The following STK38 variants were observed in gnomAD, a reference collection of about 807,000 sequenced individuals.
STK38 encodes the protein serine/threonine kinase 38.
In STK38, 26 loss-of-function variants were observed where a neutral mutation model predicts 59.0. That is an observed-to-expected ratio of 0.44 (90% CI 0.32 to 0.61). STK38 has a LOEUF of 0.61. STK38 is among the 20% of genes least tolerant of loss of function. STK38 has a pLI of 0.04. For missense variants in STK38, 433 were observed against 566.0 expected (o/e 0.76, Z 2.38); for synonymous variants, 175 against 176.6 (o/e 0.99, Z 0.07).
intron 7 of STK38, among the ~76,000 whole-genome samples, chr6:36,507,932 T>TTTA (rs1418718609): frequency 7.7e-6 from 1 of 129,676 alleles, no homozygotes; most frequent in Non-Finnish European, 1.7e-5. Context: ...TATTCAGAAT[T>TTTA]TTTTTTTTTT....
chr6:36,510,223 T>G (rs1323384324), intron 7 of STK38, among the ~76,000 whole-genome samples: 1 of 152,152 alleles, frequency 6.6e-6, no homozygotes, highest in Non-Finnish European at 1.5e-5. Context: ...ACCCAGGTGC[T>G]CTCCTCCCCT....
intron 2 of STK38, among the ~76,000 whole-genome samples, chr6:36,526,596 T>TA (rs1248961263): frequency 2.6e-5 from 4 of 151,826 alleles, no homozygotes; most frequent in Non-Finnish European, 5.9e-5. Context: ...CCATCTCTAC[T>TA]AAAAATATAA....
intron 1 of STK38, among the ~76,000 whole-genome samples, chr6:36,540,470 A>C (rs904667836): frequency 7.9e-5 from 12 of 152,226 alleles, no homozygotes; most frequent in Non-Finnish European, 1.8e-4. Flanking sequence ...CAGGATGTTC[A>C]GCACAGAGAG....
At chr6:36,503,236 T>C (rs1484748560) in intron 9 of STK38, among the ~76,000 whole-genome samples, 1 of 152,204 alleles carries the variant, frequency 6.6e-6, no homozygotes, top group African/African-American at 2.4e-5. Flanking sequence ...AGGTTTTTTT[T>C]CCTTAAAGTA....
chr6:36,544,822 G>A (rs936368908), intron 1 of STK38, among the ~76,000 whole-genome samples: 1 of 152,060 alleles, frequency 6.6e-6, no homozygotes, highest in Non-Finnish European at 1.5e-5. Flanking sequence ...CAGTGAGTTT[G>A]GCTTGTGCCA....
chr6:36,535,320 G>A (rs966239070), intron 2 of STK38, among the ~76,000 whole-genome samples: 2 of 151,840 alleles, frequency 1.3e-5, no homozygotes, highest in Non-Finnish European at 2.9e-5. Flanking sequence ...GTGGTGGCAG[G>A]TGCCTGTAGT....
At position 36,497,856 on chromosome 6, in the gene STK38, G is replaced by C; in HGVS notation, c.1096C>G (p.His366Asp). 4 of 1,613,074 alleles carry C rather than the reference G, an allele frequency of 2.5e-6. No individual in the cohort carries two copies. The highest frequency in any genetic ancestry group is 3.4e-6 in the Non-Finnish European group (4 of 1,179,832). The change falls in exon 12 of 14, where the codon CAT (histidine) becomes GAT (aspartate). Residue 366 changes from histidine (H) to aspartate (D), a missense_variant. Physicochemically the swap from His to Asp is moderately conservative, Grantham distance 81. Around this residue, in one of 3 missense-constraint regions of STK38, gnomAD observed 136 missense variants for 156.7 expected, o/e 0.87. Transcript: ENST00000229812. ...LILRFCCEWE[H>D]RIGAPGVEEI... is the part of the protein sequence containing the mutation. ...TCAACTCCAGGAGCTCCAATTCTAT[G>C]TTCCCATTCACAGCAGAACCTGGAA...
rs896777407 is a variant in STK38, at chr6:36,495,579, C to T, written c.*205G>A. 15 of 553,760 alleles carry T rather than the reference C, an allele frequency of 2.7e-5. No individual in the cohort carries two copies. Among genetic ancestry groups the T allele is most frequent in the Admixed American group, 6.6e-5 (2 of 30,110 alleles). 34.3% of individuals were successfully genotyped at this position (553,760 alleles called of 1,614,324 possible). The stretch of plus-strand genomic sequence containing the variant: ...CCAAAGCAGGATAGCTGTTTATGGC[C>T]GACGTAGTAGAAATGGTTGTCTTTG... On this transcript the variant is annotated 3_prime_UTR_variant, in exon 14 of 14. Transcript: ENST00000229812.
intron 2 of STK38, among the ~76,000 whole-genome samples, chr6:36,529,301 T>C (rs1453981623): frequency 1.3e-5 from 2 of 152,138 alleles, no homozygotes; most frequent in East Asian, 3.8e-4. Context: ...ATGGGATAGA[T>C]GAAGAAAATG....
At chr6:36,516,118 C>T (rs1777245958) in intron 6 of STK38, among the ~76,000 whole-genome samples, 2 of 152,218 alleles carry the variant, frequency 1.3e-5, no homozygotes, top group Non-Finnish European at 2.9e-5. Context: ...GAACACCTCT[C>T]AAGGTCAGTG....
At position 36,525,596 on chromosome 6, in the gene STK38, C is replaced by T. The variant is rs1404645485; in HGVS notation, c.178G>A (p.Glu60Lys). ...KVMEEEGLKD[E>K]EKRLRRSAHA... ...ACATTGCCAATATTAATTACCTCCT[C>T]ATCTTTTAGGCCTTCTTCTTCCATC... The change falls in exon 3 of 14, where the codon GAG becomes AAG. Residue 60 changes from glutamate (E) to lysine (K), a missense_variant. By Grantham distance (56) the Glu-to-Lys change is moderately conservative. Coordinates refer to ENST00000229812, the MANE Select transcript of STK38 (RefSeq NM_007271.4). 2.5e-6 allele frequency: 4 copies of T among 1,613,772 alleles called. No homozygotes were observed. Among genetic ancestry groups the T allele is most frequent in the Non-Finnish European group, 3.4e-6 (4 of 1,179,736 alleles).
chr6:36,496,767 A>G lies in STK38; in HGVS notation c.1211T>C (p.Ile404Thr), dbSNP rs1273023951. The G allele has an allele frequency of 4.3e-6, 7 of 1,613,552 alleles. No homozygotes were observed. The highest frequency in any genetic ancestry group is 5.9e-6 in the Non-Finnish European group (7 of 1,179,900). The change falls in exon 13 of 14, where the codon ATT becomes ACT. Residue 404 changes from isoleucine to threonine, a missense_variant. Ile to Thr is a moderately conservative substitution (Grantham distance 89, BLOSUM62 -1). Around this residue, in one of 3 missense-constraint regions of STK38, gnomAD observed 136 missense variants for 156.7 expected, o/e 0.87. Transcript: ENST00000229812. ...PAAISIEIKS[I>T]DDTSNFDEFP... The stretch of plus-strand genomic sequence containing the variant: ...CTCATCGAAGTTTGAGGTATCATCA[A>G]TGCTTTTGATTTCAATAGATATTGC...
intron 2 of STK38, among the ~76,000 whole-genome samples, chr6:36,528,037 A>C (rs2127484014): frequency 6.6e-6 from 1 of 151,842 alleles, no homozygotes; most frequent in East Asian, 1.9e-4. Context: ...TGAACCCAGG[A>C]GGCGGAGCTT....
chr6:36,539,523 A>G (rs374256368), intron 2 of STK38, among the ~76,000 whole-genome samples: 1 of 152,232 alleles, frequency 6.6e-6, no homozygotes, highest in Non-Finnish European at 1.5e-5. Flanking sequence ...ACATACTCAC[A>G]TATGTTATAT....
rs765186896 is a variant in STK38, at chr6:36,540,183, G to A, written c.20C>T (p.Thr7Ile). The change falls in exon 2 of 14, where the codon ACA becomes ATA. Residue 7 changes from threonine (T) to isoleucine (I), a missense_variant. Transcript: ENST00000229812. ...GTGGTTACTCATGGATGAGCAAGGT[G>A]TTGAGCCTGTCATTGCCATGGCTGC... MAMTGS[T>I]PCSSMSNHTK... is the part of the protein sequence containing the mutation. The A allele has an allele frequency of 1.2e-6, 2 of 1,613,878 alleles. No homozygotes were observed. The highest frequency in any genetic ancestry group is 3.3e-5 in the Admixed American group (2 of 59,982).
chr6:36,522,032 A>AC (rs1453702211), intron 4 of STK38, among the ~76,000 whole-genome samples: 7 of 152,254 alleles, frequency 4.6e-5, no homozygotes, highest in Non-Finnish European at 8.8e-5. Flanking sequence ...AAATACCTCT[A>AC]CATCTGAACA....
chr6:36,497,949 T>C, intron 11 of STK38, 74 bp from the exon 12 acceptor site: 1 of 1,166,260 alleles, frequency 8.6e-7, no homozygotes, highest in East Asian at 2.5e-5. Flanking sequence ...TTTTTTTTTT[T>C]TTTTTTTTGA....
chr6:36,543,182 A>C (rs894088729), intron 1 of STK38, among the ~76,000 whole-genome samples: 19 of 150,668 alleles, frequency 1.3e-4, no homozygotes, highest in Admixed American at 4.6e-4. Context: ...CTCCTGCCTC[A>C]GCCTCCCGAG....
chr6:36,532,307 C>CAAAAA (rs1491440893), intron 2 of STK38, among the ~76,000 whole-genome samples: 28 of 103,548 alleles, frequency 2.7e-4, no homozygotes, highest in African/African-American at 8.9e-4. Flanking sequence ...ACCTTGTCTG[C>CAAAAA]ATAAAAAAAA....
Sources: allele counts gnomAD v4.1 joint callset (sites outside exome capture counted in the v4.1 genomes callset), GRCh38; gene constraint gnomAD v4.1.1; regional missense constraint gnomAD v4.1.1; transcripts MANE v1.5; gene names NCBI Gene and HGNC (gene_info 2026-07-23, HGNC 2026-07-21).